The following NBEA variants were observed in gnomAD, a reference collection of about 807,000 sequenced individuals.
The protein encoded by NBEA is neurobeachin.
A neutral mutation model predicts 343.4 loss-of-function variants in NBEA; 44 were observed. The observed-to-expected ratio is 0.13, with a 90% CI of 0.10 to 0.16. NBEA has a LOEUF of 0.16. NBEA is among the 10% of genes least tolerant of loss of function. The pLI, the probability that NBEA is intolerant of heterozygous loss-of-function variation, is 1.00. For synonymous variants in NBEA, 1,175 were observed against 1,238.7 expected, an observed-to-expected ratio of 0.95 and a Z score of 1.08; for missense variants, 2,555 against 3,631.3, an observed-to-expected ratio of 0.70 and a Z score of 7.62.
intron 10 of NBEA, among the ~76,000 whole-genome samples, chr13:35,086,755 A>G (rs1201845669): frequency 6.6e-6 from 1 of 151,878 alleles, no homozygotes; most frequent in African/African-American, 2.4e-5. Flanking sequence ...TAGTGGTTGT[A>G]TTAATTTACA....
intron 53 of NBEA, among the ~76,000 whole-genome samples, chr13:35,653,281 A>C (rs146194185): frequency 1.2e-3 from 176 of 152,076 alleles, no homozygotes; most frequent in African/African-American, 4.0e-3. Flanking sequence ...ATGCTACGAA[A>C]AATTATTAAG....
intron 41 of NBEA, among the ~76,000 whole-genome samples, chr13:35,488,878 G>GA (rs888196563): frequency 2.0e-5 from 3 of 151,702 alleles, no homozygotes; most frequent in Non-Finnish European, 4.4e-5. Flanking sequence ...TACATTGTTG[G>GA]AAAAAACGTA....
At chr13:35,289,004 T>C (rs2035621733) in intron 34 of NBEA, among the ~76,000 whole-genome samples, 1 of 151,964 alleles carries the variant, frequency 6.6e-6, no homozygotes, top group South Asian at 2.1e-4. Context: ...TCTGATAAGA[T>C]GGAATACTAG....
chr13:35,493,936 G>A (rs887019479), intron 41 of NBEA, among the ~76,000 whole-genome samples: 3 of 151,300 alleles, frequency 2.0e-5, no homozygotes, highest in African/African-American at 7.3e-5. Flanking sequence ...TTCTTCAAAG[G>A]ATCCTTACAA....
At chr13:35,522,340 T>C in intron 41 of NBEA, among the ~76,000 whole-genome samples, 1 of 151,618 alleles carries the variant, frequency 6.6e-6, no homozygotes, top group Middle Eastern at 3.2e-3. Flanking sequence ...TGGTGGCGCA[T>C]GCCTGTAATC....
rs142271852 is a variant in NBEA at position 35,532,728 on chromosome 13, T to C, written c.6586-17749T>C. On this transcript the variant is annotated intron_variant, in intron 41 of 58. Transcript: ENST00000379939. The stretch of plus-strand genomic sequence containing the variant: ...AGATACTTCTAGTACCAGAAGTAGA[T>C]TGACTGTAAAGCTAATGAATCTTCA... Among the ~76,000 whole-genome samples, 368 of 152,294 alleles carry C rather than the reference T, an allele frequency of 2.4e-3. 4 individuals carry two copies. Among genetic ancestry groups the C allele is most frequent in the Non-Finnish European group, 1.2e-3 (84 of 68,008 alleles).
rs536863422 is a variant in NBEA at position 35,036,237 on chromosome 13, A to G, written c.295-4696A>G. ...TCATTCATTATTTTAACCTGATAAC[A>G]TAACACTATTTGCATAAGCAAACAA... On this transcript the variant is annotated intron_variant, in intron 1 of 58. Coordinates refer to ENST00000379939, the MANE Select transcript of NBEA (RefSeq NM_001385012.1). 4.6e-5 allele frequency among the ~76,000 whole-genome samples: 7 copies of G among 152,208 alleles called. No individual in the cohort carries two copies. In the East Asian group the frequency reaches 1.4e-3, roughly 29 times the overall value.
At chr13:35,632,307 T>C (rs1417317556) in intron 49 of NBEA, among the ~76,000 whole-genome samples, 2 of 152,186 alleles carry the variant, frequency 1.3e-5, no homozygotes, top group Non-Finnish European at 2.9e-5. Context: ...TTCTAACACC[T>C]TGATGCTCAA....
At chr13:35,132,941 G>A (rs989885124) in intron 17 of NBEA, among the ~76,000 whole-genome samples, 2 of 152,078 alleles carry the variant, frequency 1.3e-5, no homozygotes, top group African/African-American at 4.8e-5. Flanking sequence ...GGAAGTGCAG[G>A]ATAATAGTAT....
intron 1 of NBEA, among the ~76,000 whole-genome samples, chr13:35,014,484 A>C (rs1396291981): frequency 6.6e-6 from 1 of 152,174 alleles, no homozygotes; most frequent in Non-Finnish European, 1.5e-5. Context: ...AGGTCATATA[A>C]TTTTGATGAA....
At chr13:35,029,469 T>C (rs1208723059) in intron 1 of NBEA, among the ~76,000 whole-genome samples, 1 of 151,614 alleles carries the variant, frequency 6.6e-6, no homozygotes, top group Non-Finnish European at 1.5e-5. Context: ...GATGGTATTG[T>C]AGAAACTTTC....
chr13:35,118,147 T>C, intron 14 of NBEA, 81 bp from the exon 15 acceptor site: 1 of 947,266 alleles, frequency 1.1e-6, no homozygotes, highest in Admixed American at 3.0e-5. Flanking sequence ...TATTTTCTTT[T>C]ACAATGATTA....
At chr13:35,257,024 C>A (rs2032690258) in intron 34 of NBEA, among the ~76,000 whole-genome samples, 1 of 152,220 alleles carries the variant, frequency 6.6e-6, no homozygotes, top group Non-Finnish European at 1.5e-5. Flanking sequence ...ACAGCCCTGG[C>A]CATGCCTCCC....
intron 58 of NBEA, 134 bp downstream of exon 58, chr13:35,668,653 A>G (rs2085466679): frequency 1.2e-6 from 1 of 868,190 alleles, no homozygotes; most frequent in East Asian, 3.0e-5. Context: ...AGAAAAGGGG[A>G]AAATGAGGGG....
intron 41 of NBEA, chr13:35,474,863 T>G: frequency 1.5e-6 from 1 of 655,828 alleles, no homozygotes; most frequent in South Asian, 2.2e-5. Context: ...CTTTGGGTTT[T>G]TCTCCATCCG....
intron 34 of NBEA, among the ~76,000 whole-genome samples, chr13:35,243,745 G>A (rs564400407): frequency 6.6e-6 from 1 of 151,902 alleles, no homozygotes; most frequent in Non-Finnish European, 1.5e-5. Flanking sequence ...GAGTTCCTAA[G>A]TGTAAGAAGC....
intron 12 of NBEA, among the ~76,000 whole-genome samples, chr13:35,110,200 TC>T (rs1229710082): frequency 3.7e-5 from 3 of 82,068 alleles, no homozygotes; most frequent in Non-Finnish European, 7.0e-5. Flanking sequence ...ATGCTATCCC[TC>T]CCCCCTCCCC....
chr13:34,972,868 A>C (rs1430629168), intron 1 of NBEA, among the ~76,000 whole-genome samples: 1 of 152,142 alleles, frequency 6.6e-6, no homozygotes, highest in Non-Finnish European at 1.5e-5. Flanking sequence ...CCCAGTTCCG[A>C]ACCCTTGCTG....
chr13:35,509,586 G>A (rs1677033183), intron 41 of NBEA, among the ~76,000 whole-genome samples: 1 of 152,212 alleles, frequency 6.6e-6, no homozygotes, highest in Admixed American at 6.5e-5. Flanking sequence ...TAAGCCATTT[G>A]TGGTGTTCTA....
Sources: gnomAD v4.1 joint callset for allele counts (sites outside exome capture counted in the v4.1 genomes callset) on GRCh38, gnomAD v4.1.1 for gene constraint, MANE v1.5 for transcripts, NCBI Gene and HGNC (gene_info 2026-07-23, HGNC 2026-07-21) for gene names.